The following BRICD5 variants were observed in gnomAD, a reference collection of about 807,000 sequenced individuals.
BRICD5 encodes the protein BRICHOS domain-containing protein 5.
Under a neutral mutation model 28.4 loss-of-function variants are expected in BRICD5, and 51 were observed. That is an observed-to-expected ratio of 1.80 (90% CI 1.43 to 2.27). The LOEUF is 2.27. Ranked by LOEUF, BRICD5 falls within the 30% of genes most tolerant of loss-of-function variation. BRICD5 has a pLI of 0.00. For synonymous variants in BRICD5, 177 were observed against 130.2 expected (o/e 1.36, Z -2.44); for missense variants, 456 against 309.6 (o/e 1.47, Z -3.55).
Position 2,209,534 on chromosome 16 carries a change from C to T in BRICD5, c.592+19G>A, listed in dbSNP as rs759258705. The stretch of plus-strand genomic sequence containing the variant: ...CCATCCCGAGGGCCTGGCCTTCCCC[C>T]ACAGCGGTCCTGACTCACCCTCTGC... On this transcript the variant is annotated intron_variant, in intron 5 of 5. Coordinates refer to ENST00000328540, the MANE Select transcript of BRICD5 (RefSeq NM_182563.4). 8 of 1,612,426 alleles carry T rather than the reference C, an allele frequency of 5.0e-6. No homozygotes were observed. The highest frequency in any genetic ancestry group is 6.8e-6 in the Non-Finnish European group (8 of 1,180,018).
In BRICD5 at chr16:2,209,441, C is replaced by T. The variant is rs199768716; in HGVS notation, c.608G>A (p.Arg203Gln). ...GATGTCGATGCAGAGATAAATCAGC[C>T]GCTGTCTCCGGGGCCCTGTGGCGAG... ...ARRAEGPRRQ[R>Q]LIYLCIDICF... Residue 203 changes from arginine (R) to glutamine (Q), a missense_variant, in exon 6 of 6, where the codon CGG becomes CAG. Physicochemically the swap from Arg to Gln is conservative, Grantham distance 43 (BLOSUM62 1). Transcript: ENST00000328540. The T allele has an allele frequency of 5.6e-5, 91 of 1,613,746 alleles. No individual in the cohort carries two copies. The highest frequency in any genetic ancestry group is 2.2e-4 in the East Asian group (10 of 44,874).
At position 2,210,124 on chromosome 16, in the gene BRICD5, A is replaced by T; in HGVS notation, c.336+2T>A. On this transcript the variant is annotated splice_donor_variant, in intron 3 of 5. Coordinates refer to ENST00000328540, the MANE Select transcript of BRICD5 (RefSeq NM_182563.4). LOFTEE classifies it high-confidence loss of function. ...CAGGGTGACCCCTCCCTGCCCACTC[A>T]CGCTCTGCCCGTCGAACAGCACCGC... The T allele has an allele frequency of 6.2e-7, 1 of 1,608,328 alleles. No individual in the cohort carries two copies. Among genetic ancestry groups the T allele is most frequent in the East Asian group, 2.2e-5 (1 of 44,734 alleles).
At position 2,209,780 on chromosome 16, in the gene BRICD5, C is replaced by T. The variant is rs1027036537; in HGVS notation, c.439-74G>A. Reference sequence around the variant, plus strand: ...CTGGCTTGGCAGGGCCGGGTACCCTCCAACCCCCAGTGATGTCCCCACCCT... The same window carrying T: ...CTGGCTTGGCAGGGCCGGGTACCCTTCAACCCCCAGTGATGTCCCCACCCT... On this transcript the variant is annotated intron_variant, in intron 4 of 5. Coordinates refer to ENST00000328540, the MANE Select transcript of BRICD5 (RefSeq NM_182563.4). 2.7e-6 allele frequency: 4 copies of T among 1,480,452 alleles called. No homozygotes were observed. The African/African-American group carries it at 4.2e-5, about 16-fold the overall frequency. The allele number at this position is 1,480,452 out of a possible 1,614,324, so 91.7% of individuals were successfully genotyped here. A position where few individuals can be genotyped will look rare whatever the true frequency, so the allele number is the denominator to read the frequency against.
rs1402218247 is a variant in BRICD5 at position 2,209,960 on chromosome 16, T to C, written c.428A>G (p.Asp143Gly). 7.8e-6 allele frequency: 12 copies of C among 1,529,828 alleles called. No homozygotes were observed. Among genetic ancestry groups the C allele is most frequent in the East Asian group, 2.3e-5 (1 of 43,856 alleles). The allele number at this position is 1,529,828 out of a possible 1,614,324, so 94.8% of individuals were successfully genotyped here. The change falls in exon 4 of 6, where the codon GAT becomes GGT. Residue 143 changes from aspartate (D) to glycine (G), a missense_variant. By Grantham distance (94) the Asp-to-Gly change is moderately conservative. Coordinates refer to ENST00000328540, the MANE Select transcript of BRICD5 (RefSeq NM_182563.4). ...AGCAGGACGGCTCACCTTGGAGGTA[T>C]CCACCAGCAGCCGCAGGGTCTCCCG... ...SDRETLRLLV[D>G]TSKVQEAWVP... is the part of the protein sequence containing the mutation.
At position 2,210,152 on chromosome 16, in the gene BRICD5, AG is replaced by A; in HGVS notation, c.309del (p.Trp104GlyfsTer26). ...ITVTPPQSNH[S>X]WAVLFDGQSG... The stretch of plus-strand genomic sequence containing the variant: ...CTCTGCCCGTCGAACAGCACCGCCC[AG>A]CTGTGGTTGCTCTGAGGTGGGGTCA... On this transcript the variant is annotated frameshift_variant, in exon 3 of 6. Coordinates refer to ENST00000328540, the MANE Select transcript of BRICD5 (RefSeq NM_182563.4). LOFTEE classifies it high-confidence loss of function. 6.2e-7 allele frequency: 1 copy of A among 1,609,128 alleles called. No individual in the cohort carries two copies.
chr16:2,209,770 C>G (rs1192829726), intron 4 of BRICD5, 64 bp from the exon 5 acceptor site: 1 of 1,500,336 alleles, frequency 6.7e-7, no homozygotes, highest in African/African-American at 1.4e-5. Flanking sequence ...TTGGCAGGGC[C>G]GGGTACCCTC....
rs199701027 is a variant in BRICD5 at position 2,210,863 on chromosome 16, T to C, written c.-30A>G. On this transcript the variant is annotated 5_prime_UTR_variant, in exon 1 of 6. Coordinates refer to ENST00000328540, the MANE Select transcript of BRICD5 (RefSeq NM_182563.4). ...CAGCCCCTGCTCACAATGTGCCGATTGTCTGCGTCCCTTGTCTGCAGCCTT... is the reference window on the plus strand; with the variant it reads ...CAGCCCCTGCTCACAATGTGCCGATCGTCTGCGTCCCTTGTCTGCAGCCTT... 6.9e-6 allele frequency: 11 copies of C among 1,599,580 alleles called. No individual in the cohort carries two copies. Among genetic ancestry groups the C allele is most frequent in the Admixed American group, 5.0e-5 (3 of 59,982 alleles).
chr16:2,210,657 G>T lies in BRICD5; in HGVS notation c.52-7C>A. On this transcript the variant is annotated splice_polypyrimidine_tract_variant and splice_region_variant and intron_variant, in intron 1 of 5. Coordinates refer to ENST00000328540, the MANE Select transcript of BRICD5 (RefSeq NM_182563.4). ...AGGAGGGCTTGGTCTTCACCTGGGC[G>T]TGCATCAGGGTCAGAAGGGTCATGA... 1 of 1,610,518 alleles carries T rather than the reference G, an allele frequency of 6.2e-7. No homozygotes were observed. Among genetic ancestry groups the T allele is most frequent in the South Asian group, 1.1e-5 (1 of 90,818 alleles).
At chr16:2,209,913 C>A in intron 4 of BRICD5, 37 bp downstream of exon 4, 2 of 1,480,514 alleles carry the variant, frequency 1.4e-6, no homozygotes, top group Non-Finnish European at 1.8e-6. Context: ...CTTTGTCTAG[C>A]CCCTGGCCCG....
At chr16:2,209,902 C>G in intron 4 of BRICD5, 48 bp downstream of exon 4, 1 of 1,466,874 alleles carries the variant, frequency 6.8e-7, no homozygotes, top group South Asian at 1.4e-5. Context: ...CACACAGGAC[C>G]CTTTGTCTAG....
chr16:2,209,985 G>A lies in BRICD5; in HGVS notation c.403C>T (p.Arg135Trp), dbSNP rs149819631. The A allele has an allele frequency of 7.5e-5, 116 of 1,546,294 alleles. 1 individual carries two copies. Among genetic ancestry groups the A allele is most frequent in the East Asian group, 3.2e-4 (14 of 44,038 alleles). The change falls in exon 4 of 6, where the codon CGG becomes TGG. Residue 135 changes from arginine to tryptophan, a missense_variant. Physicochemically the swap from Arg to Trp is moderately radical, Grantham distance 101. Coordinates refer to ENST00000328540, the MANE Select transcript of BRICD5 (RefSeq NM_182563.4). ...CFLRLMEDSD[R>W]ETLRLLVDTS... Reference sequence around the variant, plus strand: ...TCCACCAGCAGCCGCAGGGTCTCCCGATCACTGTCCTCCATCAGGCGGAGG... The same window carrying A: ...TCCACCAGCAGCCGCAGGGTCTCCCAATCACTGTCCTCCATCAGGCGGAGG...
At chr16:2,209,772 G>T in intron 4 of BRICD5, 66 bp from the exon 5 acceptor site, 7 of 1,497,376 alleles carry the variant, frequency 4.7e-6, no homozygotes, top group South Asian at 2.6e-5. Flanking sequence ...GGCAGGGCCG[G>T]GTACCCTCCA....
In BRICD5 at chr16:2,210,550, A is replaced by C; in HGVS notation, c.152T>G (p.Leu51Arg). The C allele has an allele frequency of 6.2e-7, 1 of 1,611,964 alleles. No homozygotes were observed. The highest frequency in any genetic ancestry group is 1.1e-5 in the South Asian group (1 of 90,998). ...GGGAGGGCCCTGAGCAGAGCCAAGA[A>C]GCCCTCCAGCCACAACCCCCACAGC... The part of the protein sequence containing the change: ...LAAVGVVAGG[L>R]LGSAQGPPKP... The change falls in exon 2 of 6, where the codon CTT becomes CGT. Residue 51 changes from leucine (L) to arginine (R), a missense_variant. Transcript: ENST00000328540.
intron 5 of BRICD5, 36 bp from the exon 6 acceptor site, chr16:2,209,492 G>T: frequency 1.9e-6 from 3 of 1,613,028 alleles, no homozygotes; most frequent in South Asian, 1.1e-5. Context: ...CAAGGGCTCC[G>T]CCCCCAGCTC....
Position 2,209,985 on chromosome 16 carries a change from G to C in BRICD5, c.403C>G (p.Arg135Gly). ...TCCACCAGCAGCCGCAGGGTCTCCCGATCACTGTCCTCCATCAGGCGGAGG... is the reference window on the plus strand; with the variant it reads ...TCCACCAGCAGCCGCAGGGTCTCCCCATCACTGTCCTCCATCAGGCGGAGG... Reference protein sequence around the residue: ...CFLRLMEDSDRETLRLLVDTS... With the variant: ...CFLRLMEDSDGETLRLLVDTS... The change falls in exon 4 of 6, where the codon CGG becomes GGG. Residue 135 changes from arginine to glycine, a missense_variant. Transcript: ENST00000328540. 1 of 1,546,294 alleles carries C rather than the reference G, an allele frequency of 6.5e-7. No individual in the cohort carries two copies.
Position 2,209,548 on chromosome 16 carries a change from C to T in BRICD5, c.592+5G>A. The T allele has an allele frequency of 6.2e-7, 1 of 1,612,290 alleles. No individual in the cohort carries two copies. Among genetic ancestry groups the T allele is most frequent in the Non-Finnish European group, 8.5e-7 (1 of 1,180,020 alleles). The stretch of plus-strand genomic sequence containing the variant: ...TGGCCTTCCCCCACAGCGGTCCTGA[C>T]TCACCCTCTGCTCGCCGGGCCCAGT... On this transcript the variant is annotated splice_donor_5th_base_variant and intron_variant, in intron 5 of 5. Coordinates refer to ENST00000328540, the MANE Select transcript of BRICD5 (RefSeq NM_182563.4).
rs1194477223 is a variant in BRICD5, at chr16:2,210,112, C to T, written c.336+14G>A. The stretch of plus-strand genomic sequence containing the variant: ...ACCGACACCTGCCAGGGTGACCCCT[C>T]CCTGCCCACTCACGCTCTGCCCGTC... On this transcript the variant is annotated intron_variant, in intron 3 of 5. Transcript: ENST00000328540. 2 of 1,606,388 alleles carry T rather than the reference C, an allele frequency of 1.2e-6. No homozygotes were observed. Among genetic ancestry groups the T allele is most frequent in the Non-Finnish European group, 1.7e-6 (2 of 1,177,532 alleles).
intron 2 of BRICD5, 120 bp downstream of exon 2, chr16:2,210,402 G>C: frequency 3.3e-6 from 5 of 1,533,912 alleles, no homozygotes; most frequent in Non-Finnish European, 4.4e-6. Context: ...TCCTCTGGCT[G>C]TCTGCTCCTA....
In BRICD5 at chr16:2,210,743, C is replaced by T. The variant is rs368859455; in HGVS notation, c.51+40G>A. On this transcript the variant is annotated intron_variant, in intron 1 of 5. Coordinates refer to ENST00000328540, the MANE Select transcript of BRICD5 (RefSeq NM_182563.4). ...GGAGGGGCTGGGTGGCCTGGGGCAC[C>T]CCCTGGGTCCTTGCTGCAGGAGTAA... 3.1e-6 allele frequency: 5 copies of T among 1,608,848 alleles called. No individual in the cohort carries two copies. In the African/African-American group the frequency reaches 5.3e-5, roughly 17 times the overall value.
Sources: gnomAD v4.1 joint callset for allele counts on GRCh38, gnomAD v4.1.1 for gene constraint, MANE v1.5 for transcripts, NCBI Gene and HGNC (gene_info 2026-07-23, HGNC 2026-07-21) for gene names.